Variants in NPR3 observed in about 807,000 individuals in gnomAD.
NPR3 encodes the protein atrial natriuretic peptide receptor 3.
A neutral mutation model predicts 54.5 loss-of-function variants in NPR3; 34 were observed. The ratio of observed to expected loss-of-function variants is 0.62; its 90% CI spans 0.47 to 0.83. NPR3 has a LOEUF of 0.83. NPR3 is among the 40% of genes least tolerant of loss of function. The probability of loss-of-function intolerance (pLI) is 0.00; values close to 1 mark genes in which losing one functional copy is unlikely to be tolerated. For missense variants in NPR3, 674 were observed against 720.8 expected (o/e 0.94, Z 0.74); for synonymous variants, 289 against 297.1 (o/e 0.97, Z 0.28).
intron 4 of NPR3, among the ~76,000 whole-genome samples, chr5:32,775,824 C>T (rs920064450): frequency 6.6e-6 from 1 of 152,080 alleles, no homozygotes; most frequent in African/African-American, 2.4e-5. Context: ...TCTCAAACTC[C>T]TGACTGCAGG....
At position 32,736,077 on chromosome 5, in the gene NPR3, A is replaced by T. The variant is rs186204493; in HGVS notation, c.893-2787A>T. The stretch of plus-strand genomic sequence containing the variant: ...GAAACCCTGTCCCTACTAAAAATAC[A>T]AAAATTAGCCGGGTGTGGTGGCGCA... On this transcript the variant is annotated intron_variant, in intron 2 of 7. Transcript: ENST00000265074. Among the ~76,000 whole-genome samples, 1,443 of 151,980 alleles carry T rather than the reference A, an allele frequency of 9.5e-3. 13 individuals are homozygous for T. Among genetic ancestry groups the T allele is most frequent in the Non-Finnish European group, 0.016 (1,106 of 67,932 alleles).
chr5:32,713,155 A>G lies in NPR3; in HGVS notation c.769+610A>G, dbSNP rs1012414866. On this transcript the variant is annotated intron_variant, in intron 1 of 7. Transcript: ENST00000265074. ...TAAACGAGCTTCTGTGGTTTCCACC[A>G]AAAATGCCCCTGTGTGTCTGAATTC... 66 of 984,916 alleles carry G rather than the reference A, an allele frequency of 6.7e-5. 1 individual carries two copies. The highest frequency in any genetic ancestry group is 1.7e-5 in the African/African-American group (1 of 57,234). The allele number at this position is 984,916 out of a possible 1,614,324, so 61.0% of individuals were successfully genotyped here. A position where few individuals can be genotyped will look rare whatever the true frequency, so the allele number is the denominator to read the frequency against.
chr5:32,696,675 T>C (rs1740539936), intron 1 of NPR3, among the ~76,000 whole-genome samples: 1 of 152,188 alleles, frequency 6.6e-6, no homozygotes, highest in Non-Finnish European at 1.5e-5. Flanking sequence ...CTTCAATTTC[T>C]TTCATCAGCG....
rs533855446 is a variant in NPR3, at chr5:32,771,992, C to T, written c.1060-2716C>T. 1.2e-4 allele frequency among the ~76,000 whole-genome samples: 19 copies of T among 152,262 alleles called. No individual in the cohort carries two copies. The South Asian group carries it at 3.9e-3, about 32-fold the overall frequency. Reference sequence around the variant, plus strand: ...AAAGTGAACTGAGAATGAAATTACACCGCTACAGTTCACTTATTAAAATTC... The same window carrying T: ...AAAGTGAACTGAGAATGAAATTACATCGCTACAGTTCACTTATTAAAATTC... On this transcript the variant is annotated intron_variant, in intron 3 of 7. Transcript: ENST00000265074.
chr5:32,706,493 C>G (rs1280090889), upstream of NPR3, among the ~76,000 whole-genome samples: 1 of 152,196 alleles, frequency 6.6e-6, no homozygotes, highest in Non-Finnish European at 1.5e-5. Flanking sequence ...ATGCTTAAGG[C>G]ATTTTGCTTG....
chr5:32,740,101 T>G (rs1441910707), intron 3 of NPR3, among the ~76,000 whole-genome samples: 1 of 152,176 alleles, frequency 6.6e-6, no homozygotes, highest in Non-Finnish European at 1.5e-5. Context: ...TCTGCCCAAG[T>G]TGGATAATGA....
In NPR3 at chr5:32,781,182, T is replaced by C. The variant is rs189035839; in HGVS notation, c.1290+366T>C. ...TGTGTGTTAACATTTCCAAAGATGATGTAGTTTCAGGATAACATCATGAAG... is the reference window on the plus strand; with the variant it reads ...TGTGTGTTAACATTTCCAAAGATGACGTAGTTTCAGGATAACATCATGAAG... On this transcript the variant is annotated intron_variant, in intron 5 of 7. Transcript: ENST00000265074. Among the ~76,000 whole-genome samples the C allele has an allele frequency of 7.7e-4, 117 of 152,152 alleles. 1 individual carries two copies. The highest frequency in any genetic ancestry group is 2.4e-4 in the Non-Finnish European group (16 of 68,000).
chr5:32,765,411 A>G (rs1034873439), intron 3 of NPR3, among the ~76,000 whole-genome samples: 2 of 152,212 alleles, frequency 1.3e-5, no homozygotes, highest in Non-Finnish European at 2.9e-5. Context: ...CCCCTAGCTT[A>G]TAGAACATTA....
At chr5:32,717,637 G>T (rs1738626805) in intron 1 of NPR3, among the ~76,000 whole-genome samples, 1 of 152,120 alleles carries the variant, frequency 6.6e-6, no homozygotes, top group African/African-American at 2.4e-5. Context: ...GTGTCTGTTG[G>T]CTGCATAAAT....
chr5:32,695,341 T>G (rs1740497863), intron 1 of NPR3, among the ~76,000 whole-genome samples: 1 of 152,202 alleles, frequency 6.6e-6, no homozygotes, highest in Admixed American at 6.5e-5. Flanking sequence ...CTCGGCACAC[T>G]GCAAGCTCCG....
chr5:32,761,483 T>C (rs1288888595), intron 3 of NPR3, among the ~76,000 whole-genome samples: 4 of 152,148 alleles, frequency 2.6e-5, no homozygotes, highest in Non-Finnish European at 2.9e-5. Context: ...TGCTAGTATA[T>C]AGAAATACAG....
At chr5:32,775,659 G>C (rs759797335) in intron 4 of NPR3, among the ~76,000 whole-genome samples, 4 of 152,034 alleles carry the variant, frequency 2.6e-5, no homozygotes, top group Non-Finnish European at 5.9e-5. Context: ...ATGCAATGGA[G>C]CAATCTCAGC....
At chr5:32,699,523 T>C (rs56678159) in intron 1 of NPR3, among the ~76,000 whole-genome samples, 4,657 of 152,262 alleles carry the variant, frequency 0.031, 260 homozygotes, top group African/African-American at 0.11. Context: ...CCATGTGTTC[T>C]TATTGTTTAA....
intron 3 of NPR3, among the ~76,000 whole-genome samples, chr5:32,751,489 G>A (rs1268327262): frequency 6.6e-6 from 1 of 152,192 alleles, no homozygotes; most frequent in Non-Finnish European, 1.5e-5. Flanking sequence ...GTAGAATTTG[G>A]TAAATGCTGT....
At chr5:32,692,774 A>G (rs1185755512) in intron 1 of NPR3, among the ~76,000 whole-genome samples, 4 of 152,224 alleles carry the variant, frequency 2.6e-5, no homozygotes, top group African/African-American at 9.6e-5. Flanking sequence ...AAGGGAACAC[A>G]CTGATTCTTC....
rs1742884199 is a variant in NPR3, at chr5:32,791,099, T to C, written c.*4754T>C. On this transcript the variant is annotated 3_prime_UTR_variant, in exon 8 of 8. Transcript: ENST00000265074. Reference sequence around the variant, plus strand: ...TGGCTAAAAAAGAGGCAAATTCAGATTTGGAAACAGGGTGGCCTCTTCATT... The same window carrying C: ...TGGCTAAAAAAGAGGCAAATTCAGACTTGGAAACAGGGTGGCCTCTTCATT... 1 of 167,054 alleles carries C rather than the reference T, an allele frequency of 6.0e-6. No homozygotes were observed. Among genetic ancestry groups the C allele is most frequent in the South Asian group, 2.1e-4 (1 of 4,820 alleles). 10.3% of individuals were successfully genotyped at this position (167,054 alleles called of 1,614,324 possible). A position where few individuals can be genotyped will look rare whatever the true frequency, so the allele number is the denominator to read the frequency against.
At chr5:32,728,855 A>ATG (rs1561090226) in intron 2 of NPR3, among the ~76,000 whole-genome samples, 2 of 123,742 alleles carry the variant, frequency 1.6e-5, no homozygotes, top group Non-Finnish European at 3.3e-5. Context: ...ATATATATAT[A>ATG]TATATATATA....
In NPR3 at chr5:32,712,445, C is replaced by T; in HGVS notation, c.669C>T (p.Val223=). ...TCACCCTCGAGGGGGTCCACGAGGT[C>T]TTCCAGGAGGAGGGTTTGCACACGT... The part of the protein sequence containing the change: ...CYFTLEGVHE[V]FQEEGLHTSI... Residue 223 remains valine, a synonymous_variant, in exon 1 of 8, where the codon GTC becomes GTT. Coordinates refer to ENST00000265074, the MANE Select transcript of NPR3 (RefSeq NM_001204375.2). 1.2e-6 allele frequency: 2 copies of T among 1,611,168 alleles called. No homozygotes were observed. The highest frequency in any genetic ancestry group is 2.2e-5 in the South Asian group (2 of 90,726).
intron 3 of NPR3, among the ~76,000 whole-genome samples, chr5:32,762,797 T>C (rs560716014): frequency 6.6e-6 from 1 of 152,340 alleles, no homozygotes; most frequent in Non-Finnish European, 1.5e-5. Context: ...TTCACTCTGA[T>C]GATAGTTTCT....
Sources: allele counts gnomAD v4.1 joint callset (sites outside exome capture counted in the v4.1 genomes callset), GRCh38; gene constraint gnomAD v4.1.1; transcripts MANE v1.5; gene names NCBI Gene and HGNC (gene_info 2026-07-23, HGNC 2026-07-21).